EFL1: variants seen among roughly 807,000 people sequenced by gnomAD.
The protein encoded by EFL1 is elongation factor-like GTPase 1.
In EFL1, 76 loss-of-function variants were observed where a neutral mutation model predicts 126.7. The ratio of observed to expected loss-of-function variants is 0.60; its 90% CI spans 0.50 to 0.73. EFL1 has a LOEUF of 0.73. Ranked by LOEUF, EFL1 falls within the 30% of genes least tolerant of loss-of-function variation. The probability of loss-of-function intolerance (pLI) is 0.00; values close to 1 mark genes in which losing one functional copy is unlikely to be tolerated. For synonymous variants in EFL1, 410 were observed against 448.4 expected, an observed-to-expected ratio of 0.91 and a Z score of 1.08; for missense variants, 1,128 against 1,343.2, an observed-to-expected ratio of 0.84 and a Z score of 2.50.
chr15:82,230,758 G>A, intron 8 of EFL1, 90 bp downstream of exon 8: 1 of 1,440,148 alleles, frequency 6.9e-7, no homozygotes, highest in South Asian at 1.6e-5. Context: ...ATAAATTAAA[G>A]CTGAATTACA....
intron 15 of EFL1, among the ~76,000 whole-genome samples, chr15:82,180,437 T>C (rs1223975243): frequency 6.8e-6 from 1 of 147,006 alleles, no homozygotes; most frequent in Non-Finnish European, 1.5e-5. Context: ...TGATTATCAC[T>C]GAAACACTGC....
At chr15:82,175,615 C>T (rs746120834) in intron 15 of EFL1, among the ~76,000 whole-genome samples, 2 of 152,038 alleles carry the variant, frequency 1.3e-5, no homozygotes, top group Admixed American at 6.5e-5. Context: ...CAGTGGCTCA[C>T]GCATGTAATC....
rs148817790 is a variant in EFL1 at position 82,208,260 on chromosome 15, T to G, written c.1750+6457A>C. On this transcript the variant is annotated intron_variant, in intron 15 of 19. Transcript: ENST00000268206. The stretch of plus-strand genomic sequence containing the variant: ...CACCAAGCCCAGTTAGTTTTGCAAG[T>G]GAACTATTTCAAAACTTTTGAAGAA... 9.9e-3 allele frequency among the ~76,000 whole-genome samples: 1,509 copies of G among 152,280 alleles called. 25 individuals are homozygous for G. The highest frequency in any genetic ancestry group is 0.035 in the African/African-American group (1,435 of 41,558).
At chr15:82,184,293 G>C (rs1169894134) in intron 15 of EFL1, among the ~76,000 whole-genome samples, 3 of 152,216 alleles carry the variant, frequency 2.0e-5, no homozygotes, top group Non-Finnish European at 4.4e-5. Flanking sequence ...CATGAGGTAA[G>C]TAATAAAGCA....
chr15:82,164,606 A>G (rs964106297), intron 15 of EFL1, among the ~76,000 whole-genome samples: 11 of 152,168 alleles, frequency 7.2e-5, no homozygotes, highest in African/African-American at 2.2e-4. Flanking sequence ...TCTTAGAAAG[A>G]GTGATAAGGG....
chr15:82,219,432 C>T (rs1567067928), intron 14 of EFL1, among the ~76,000 whole-genome samples: 1 of 152,146 alleles, frequency 6.6e-6, no homozygotes, highest in Non-Finnish European at 1.5e-5. Flanking sequence ...TAAACAAGGC[C>T]TGAAAATTTG....
intron 15 of EFL1, among the ~76,000 whole-genome samples, chr15:82,194,850 G>A (rs780798044): frequency 9.2e-5 from 14 of 152,058 alleles, no homozygotes; most frequent in Admixed American, 3.9e-4. Context: ...CAATGTTTTC[G>A]GAATCTTGTA....
chr15:82,247,482 A>T (rs2074983400), intron 4 of EFL1, among the ~76,000 whole-genome samples: 1 of 152,112 alleles, frequency 6.6e-6, no homozygotes, highest in African/African-American at 2.4e-5. Context: ...GAATAATTGG[A>T]TGGTCTGAGT....
chr15:82,157,047 A>C (rs759916851), intron 17 of EFL1, among the ~76,000 whole-genome samples: 3 of 152,208 alleles, frequency 2.0e-5, no homozygotes, highest in Non-Finnish European at 4.4e-5. Context: ...GCTAGCTATA[A>C]TACTTCCAGA....
chr15:82,217,116 C>T (rs1446894791), intron 14 of EFL1, among the ~76,000 whole-genome samples: 1 of 151,550 alleles, frequency 6.6e-6, no homozygotes, highest in Non-Finnish European at 1.5e-5. Flanking sequence ...TGCAAAATAC[C>T]GTAATATACC....
intron 15 of EFL1, among the ~76,000 whole-genome samples, chr15:82,208,221 T>C (rs2074546257): frequency 1.3e-5 from 2 of 152,122 alleles, no homozygotes; most frequent in Admixed American, 1.3e-4. Context: ...ATGGAAAGAA[T>C]CAAGTATTTT....
At chr15:82,163,741 T>C (rs901124530) in intron 16 of EFL1, 112 bp downstream of exon 16, 63 of 1,324,010 alleles carry the variant, frequency 4.8e-5, no homozygotes, top group Non-Finnish European at 6.2e-5. Context: ...TAGACCTCAA[T>C]GAAAATTCAT....
At chr15:82,219,520 A>T in intron 14 of EFL1, 132 bp downstream of exon 14, 3 of 954,562 alleles carry the variant, frequency 3.1e-6, no homozygotes, top group Non-Finnish European at 4.6e-6. Context: ...AAAAGGATAC[A>T]CAGTCACTCA....
intron 7 of EFL1, among the ~76,000 whole-genome samples, chr15:82,234,242 T>C (rs2074850341): frequency 6.6e-6 from 1 of 152,194 alleles, no homozygotes; most frequent in South Asian, 2.1e-4. Context: ...ATTAGCAGAA[T>C]GCTCACAAAT....
chr15:82,245,180 T>C (rs1051633445), intron 4 of EFL1, among the ~76,000 whole-genome samples: 8 of 151,992 alleles, frequency 5.3e-5, no homozygotes, highest in African/African-American at 1.9e-4. Context: ...AGAGACAGGG[T>C]CTCACTGAAA....
intron 2 of EFL1, among the ~76,000 whole-genome samples, chr15:82,261,337 T>C (rs911219590): frequency 2.6e-5 from 4 of 152,222 alleles, no homozygotes; most frequent in African/African-American, 4.8e-5. Flanking sequence ...AGACGTTTGA[T>C]AAATATCTGA....
At chr15:82,131,473 T>C (rs935698777) in intron 19 of EFL1, among the ~76,000 whole-genome samples, 1 of 152,076 alleles carries the variant, frequency 6.6e-6, no homozygotes. Flanking sequence ...TAATTTTTTT[T>C]CTGGAGGTGG....
chr15:82,226,065 A>G (rs1290565895), intron 11 of EFL1, among the ~76,000 whole-genome samples: 1 of 152,244 alleles, frequency 6.6e-6, no homozygotes, highest in African/African-American at 2.4e-5. Context: ...CCTGATTTAT[A>G]TCTTAAGAGG....
chr15:82,164,031 T>C, intron 15 of EFL1, 47 bp from the exon 16 acceptor site: 2 of 1,598,716 alleles, frequency 1.3e-6, no homozygotes, highest in Non-Finnish European at 1.7e-6. Flanking sequence ...TGATAAATTC[T>C]GAATTTATGT....
Sources: gnomAD v4.1 joint callset for allele counts (sites outside exome capture counted in the v4.1 genomes callset) on GRCh38, gnomAD v4.1.1 for gene constraint, MANE v1.5 for transcripts, NCBI Gene and HGNC (gene_info 2026-07-23, HGNC 2026-07-21) for gene names.